The following METTL5 variants were observed in gnomAD, a reference collection of about 807,000 sequenced individuals.
METTL5 encodes the protein methyltransferase 5, N6-adenosine.
In METTL5, 28 loss-of-function variants were observed where a neutral mutation model predicts 26.5. That is an observed-to-expected ratio of 1.06 (90% CI 0.78 to 1.45). The LOEUF is 1.45. Among genes scored for constraint, METTL5 ranks in the 40% most tolerant of loss-of-function variants. METTL5 has a pLI of 0.00. For synonymous variants in METTL5, 86 were observed against 82.6 expected, an observed-to-expected ratio of 1.04 and a Z score of -0.22; for missense variants, 231 against 249.9, an observed-to-expected ratio of 0.92 and a Z score of 0.51.
At chr2:169,818,573 ACTT>A (rs2081541427) in intron 4 of METTL5, among the ~76,000 whole-genome samples, 1 of 152,178 alleles carries the variant, frequency 6.6e-6, no homozygotes, top group South Asian at 2.1e-4. Flanking sequence ...ATGTACCACT[ACTT>A]ATTATTAGCA....
chr2:169,821,035 A>G (rs1200814043), intron 3 of METTL5, 57 bp downstream of exon 3: 4 of 1,435,488 alleles, frequency 2.8e-6, no homozygotes, highest in East Asian at 2.4e-5. Flanking sequence ...TGGCCTTAAA[A>G]ATGGTTTTAA....
rs376324243 is a variant in METTL5 at position 169,819,675 on chromosome 2, C to T, written c.407-32G>A. The T allele has an allele frequency of 1.5e-4, 219 of 1,451,446 alleles. 1 individual carries two copies. The highest frequency in any genetic ancestry group is 2.0e-4 in the Non-Finnish European group (211 of 1,044,026). The allele number at this position is 1,451,446 out of a possible 1,614,324, so 89.9% of individuals were successfully genotyped here. A position where few individuals can be genotyped will look rare whatever the true frequency, so the allele number is the denominator to read the frequency against. On this transcript the variant is annotated intron_variant, in intron 3 of 6. Transcript: ENST00000260953. The stretch of plus-strand genomic sequence containing the variant: ...AGAGTAGAAAAAAAGCTCCTATTTA[C>T]CTCTTCTCAAAACAGAAGATTAAGT...
At chr2:169,818,685 T>C (rs1317226284) in intron 4 of METTL5, among the ~76,000 whole-genome samples, 1 of 152,214 alleles carries the variant, frequency 6.6e-6, no homozygotes, top group Non-Finnish European at 1.5e-5. Context: ...TCTTACGTAC[T>C]GTATTTACAT....
chr2:169,822,993 GTT>G (rs199892089), intron 1 of METTL5, among the ~76,000 whole-genome samples: 1 of 149,960 alleles, frequency 6.7e-6, no homozygotes, highest in African/African-American at 2.4e-5. Flanking sequence ...GTTTTTTGTT[GTT>G]TTTTTTCAGA....
chr2:169,816,339 G>GTAGA (rs1210703866), intron 4 of METTL5, among the ~76,000 whole-genome samples: 1 of 152,164 alleles, frequency 6.6e-6, no homozygotes, highest in Non-Finnish European at 1.5e-5. Flanking sequence ...CTCCGAAAGT[G>GTAGA]TAGAGCACTG....
intron 1 of METTL5, among the ~76,000 whole-genome samples, chr2:169,823,384 G>C (rs1276876225): frequency 2.0e-5 from 3 of 152,180 alleles, no homozygotes; most frequent in Admixed American, 1.3e-4. Context: ...CAGTAGTTTT[G>C]TGTGAATTTT....
rs1029608875 is a variant in METTL5, at chr2:169,824,805, C to T, written c.-208G>A. The T allele has an allele frequency of 1.2e-5, 6 of 484,752 alleles. No individual in the cohort carries two copies. Among genetic ancestry groups the T allele is most frequent in the South Asian group, 9.9e-5 (4 of 40,418 alleles). The allele number at this position is 484,752 out of a possible 1,614,324, so 30.0% of individuals were successfully genotyped here. ...ACCTCCCGGCTAACCCAAGCCGCCC[C>T]AGGAGACGGCGGCGGCGCACTGCTG... On this transcript the variant is annotated 5_prime_UTR_variant, in exon 1 of 7. Transcript: ENST00000260953.
intron 4 of METTL5, among the ~76,000 whole-genome samples, chr2:169,815,903 G>A (rs112443401): frequency 0.013 from 1,986 of 152,156 alleles, 60 homozygotes; most frequent in African/African-American, 0.044. Context: ...TACCTTCTTG[G>A]TGTTTATATA....
chr2:169,816,980 C>G (rs942237505), intron 4 of METTL5, among the ~76,000 whole-genome samples: 5 of 152,086 alleles, frequency 3.3e-5, no homozygotes, highest in Non-Finnish European at 5.9e-5. Flanking sequence ...GCAAAAGAAA[C>G]TATCATGAAA....
At chr2:169,821,346 T>G (rs1041521633) in intron 2 of METTL5, 73 bp from the exon 3 acceptor site, 2 of 912,560 alleles carry the variant, frequency 2.2e-6, no homozygotes, top group African/African-American at 2.9e-5. Flanking sequence ...AAATTAGCTG[T>G]TTTTTTTTTA....
At position 169,815,532 on chromosome 2, in the gene METTL5, A is replaced by C. The variant is rs776587143; in HGVS notation, c.490-4T>G. The C allele has an allele frequency of 6.3e-7, 1 of 1,593,126 alleles. No homozygotes were observed. Among genetic ancestry groups the C allele is most frequent in the Admixed American group, 1.7e-5 (1 of 58,726 alleles). On this transcript the variant is annotated splice_region_variant and splice_polypyrimidine_tract_variant and intron_variant, in intron 4 of 6. Coordinates refer to ENST00000260953, the MANE Select transcript of METTL5 (RefSeq NM_014168.4). Reference sequence around the variant, plus strand: ...CTGCAGCTTTCTTTTGAACATGCTGAACATAAATAATATGTTGTTATGAGC... The same window carrying C: ...CTGCAGCTTTCTTTTGAACATGCTGCACATAAATAATATGTTGTTATGAGC...
chr2:169,814,475 A>AAAAAAAAAAAAAAG (rs1053940496), intron 5 of METTL5, among the ~76,000 whole-genome samples: 8 of 149,402 alleles, frequency 5.4e-5, no homozygotes, highest in South Asian at 4.2e-4. Flanking sequence ...TCTCAAAAAA[A>AAAAAAAAAAAAAAG]AAAAAAGAAA....
At chr2:169,814,071 T>C (rs1690068143) in intron 5 of METTL5, among the ~76,000 whole-genome samples, 1 of 152,210 alleles carries the variant, frequency 6.6e-6, no homozygotes, top group Admixed American at 6.5e-5. Flanking sequence ...AGTTATATGC[T>C]TTTCCTGTTT....
intron 3 of METTL5, among the ~76,000 whole-genome samples, chr2:169,820,216 A>G (rs1399041210): frequency 6.6e-6 from 1 of 152,048 alleles, no homozygotes; most frequent in Non-Finnish European, 1.5e-5. Context: ...CTCAGCCTCC[A>G]AAGTGCTGGG....
At chr2:169,812,293 T>G in intron 6 of METTL5, 164 bp downstream of exon 6, 1 of 1,128,070 alleles carries the variant, frequency 8.9e-7, no homozygotes. Context: ...CAGGCTGGAG[T>G]TCAGTGGGGC....
rs892067561 is a variant in METTL5 at position 169,815,585 on chromosome 2, T to C, written c.490-57A>G. On this transcript the variant is annotated intron_variant, in intron 4 of 6. Transcript: ENST00000260953. ...ATTTTTAAATAATGATTTTTTAAAA[T>C]TGCTTTTTACTAATACTTGAGATTG... 1.5e-5 allele frequency: 21 copies of C among 1,364,784 alleles called. No homozygotes were observed. The East Asian group carries it at 4.9e-4, about 32-fold the overall frequency. The allele number at this position is 1,364,784 out of a possible 1,614,324, so 84.5% of individuals were successfully genotyped here.
At position 169,813,805 on chromosome 2, in the gene METTL5, G is replaced by A. The variant is rs369416736; in HGVS notation, c.542-1299C>T. 2.6e-5 allele frequency among the ~76,000 whole-genome samples: 4 copies of A among 152,214 alleles called. No homozygotes were observed. In the East Asian group the frequency reaches 7.8e-4, roughly 30 times the overall value. Reference sequence around the variant, plus strand: ...CCCTTGAACCCAGGAGGTGGAGGTTGCAGTGAGCCAAGATCGTGCTGCTGC... The same window carrying A: ...CCCTTGAACCCAGGAGGTGGAGGTTACAGTGAGCCAAGATCGTGCTGCTGC... On this transcript the variant is annotated intron_variant, in intron 5 of 6. Coordinates refer to ENST00000260953, the MANE Select transcript of METTL5 (RefSeq NM_014168.4).
At chr2:169,819,098 T>C (rs1281788721) in intron 4 of METTL5, among the ~76,000 whole-genome samples, 1 of 152,200 alleles carries the variant, frequency 6.6e-6, no homozygotes, top group African/African-American at 2.4e-5. Context: ...CTACAACTTA[T>C]ACACCTCTCC....
intron 1 of METTL5, 35 bp from the exon 2 acceptor site, chr2:169,822,092 GC>G: frequency 6.4e-7 from 1 of 1,574,140 alleles, no homozygotes; most frequent in Non-Finnish European, 8.6e-7. Flanking sequence ...AAGTAAGCAA[GC>G]CGGTGACTAA....
Sources: allele counts gnomAD v4.1 joint callset (sites outside exome capture counted in the v4.1 genomes callset), GRCh38; gene constraint gnomAD v4.1.1; transcripts MANE v1.5; gene names NCBI Gene and HGNC (gene_info 2026-07-23, HGNC 2026-07-21).